MACROD2: variants seen among roughly 807,000 people sequenced by gnomAD.
MACROD2 encodes ADP-ribose glycohydrolase MACROD2.
A neutral mutation model predicts 70.4 loss-of-function variants in MACROD2; 36 were observed. The ratio of observed to expected loss-of-function variants is 0.51; its 90% CI spans 0.39 to 0.68. MACROD2 has a LOEUF of 0.68. MACROD2 is among the 30% of genes least tolerant of loss of function. The pLI, the probability that MACROD2 is intolerant of heterozygous loss-of-function variation, is 0.00. For synonymous variants in MACROD2, 172 were observed against 178.8 expected, an observed-to-expected ratio of 0.96 and a Z score of 0.30; for missense variants, 496 against 538.4, an observed-to-expected ratio of 0.92 and a Z score of 0.78.
Position 14,359,057 on chromosome 20 carries a change from G to A in MACROD2, c.272-134422G>A, listed in dbSNP as rs375887085. On this transcript the variant is annotated intron_variant, in intron 3 of 17. Transcript: ENST00000684519. ...TAAAAAATTAGCCAGGCATAGTGGT[G>A]CCTGCCTGTAGTCCCAGCTACTTGG... Among the ~76,000 whole-genome samples the A allele has an allele frequency of 2.2e-4, 34 of 152,146 alleles. No homozygotes were observed. The South Asian group carries it at 6.4e-3, about 29-fold the overall frequency.
chr20:15,181,724 A>C (rs1447795586), intron 5 of MACROD2, among the ~76,000 whole-genome samples: 2 of 152,168 alleles, frequency 1.3e-5, no homozygotes, highest in East Asian at 3.9e-4. Flanking sequence ...GTGAATTTTC[A>C]CATTCAAGTC....
Position 14,098,222 on chromosome 20 carries a change from A to G in MACROD2, c.271+12494A>G, listed in dbSNP as rs142853464. 2.2e-3 allele frequency among the ~76,000 whole-genome samples: 342 copies of G among 152,348 alleles called. 3 individuals carry two copies. Among genetic ancestry groups the G allele is most frequent in the African/African-American group, 8.0e-3 (332 of 41,576 alleles). On this transcript the variant is annotated intron_variant, in intron 3 of 17. Coordinates refer to ENST00000684519, the MANE Select transcript of MACROD2 (RefSeq NM_001351661.2). ...TATGGGTGTTTTTCAAGTCCTGTAC[A>G]AAGATATGTGTAAGACCAACTAACA...
chr20:14,007,177 CA>C (rs1232174736), intron 2 of MACROD2, among the ~76,000 whole-genome samples: 1 of 150,380 alleles, frequency 6.6e-6, no homozygotes, highest in East Asian at 2.0e-4. Context: ...ATTTATTTGT[CA>C]GACTTCTATA....
intron 8 of MACROD2, among the ~76,000 whole-genome samples, chr20:15,838,637 T>C (rs1223040563): frequency 6.6e-6 from 1 of 152,204 alleles, no homozygotes; most frequent in African/African-American, 2.4e-5. Context: ...TACATCACAA[T>C]GACTGTGAGA....
chr20:15,004,653 T>G (rs1188677222), intron 5 of MACROD2, among the ~76,000 whole-genome samples: 7 of 152,108 alleles, frequency 4.6e-5, no homozygotes. Context: ...ACCTGCAAAC[T>G]GTGGTGCAGA....
chr20:14,321,993 G>A (rs1360435904), intron 3 of MACROD2, among the ~76,000 whole-genome samples: 1 of 149,664 alleles, frequency 6.7e-6, no homozygotes, highest in Non-Finnish European at 1.5e-5. Context: ...TTTTTTTGTT[G>A]TTGTTTTTGT....
intron 4 of MACROD2, among the ~76,000 whole-genome samples, chr20:14,516,881 A>G (rs1175028091): frequency 6.6e-6 from 1 of 152,226 alleles, no homozygotes; most frequent in African/African-American, 2.4e-5. Flanking sequence ...GACAAAAGAT[A>G]TGAATGGACA....
chr20:15,951,351 A>ACACACAC (rs71192308), intron 12 of MACROD2, among the ~76,000 whole-genome samples: 9 of 149,078 alleles, frequency 6.0e-5, no homozygotes, highest in Non-Finnish European at 7.4e-5. Flanking sequence ...ACACACACAC[A>ACACACAC]AAGAGAGAGA....
At chr20:14,624,561 C>A (rs1984021774) in intron 4 of MACROD2, among the ~76,000 whole-genome samples, 1 of 152,150 alleles carries the variant, frequency 6.6e-6, no homozygotes, top group African/African-American at 2.4e-5. Context: ...TAATTATGCA[C>A]CTTTGGAAAA....
At chr20:14,062,513 C>T (rs1165947389) in intron 2 of MACROD2, among the ~76,000 whole-genome samples, 1 of 152,008 alleles carries the variant, frequency 6.6e-6, no homozygotes, top group African/African-American at 2.4e-5. Flanking sequence ...AAATGGCATT[C>T]CAGTTAGAAC....
intron 3 of MACROD2, among the ~76,000 whole-genome samples, chr20:14,264,694 G>A (rs2082129104): frequency 1.3e-5 from 2 of 152,130 alleles, no homozygotes; most frequent in African/African-American, 2.4e-5. Context: ...CCTGTGTCAC[G>A]TGAGGAGAGA....
At chr20:14,627,733 C>A (rs1410914271) in intron 4 of MACROD2, among the ~76,000 whole-genome samples, 1 of 152,186 alleles carries the variant, frequency 6.6e-6, no homozygotes, top group Admixed American at 6.5e-5. Context: ...TTGATTCTTA[C>A]AATCTATGTC....
At chr20:14,334,005 C>A (rs1201025962) in intron 3 of MACROD2, among the ~76,000 whole-genome samples, 4 of 152,200 alleles carry the variant, frequency 2.6e-5, no homozygotes, top group African/African-American at 9.6e-5. Flanking sequence ...AGAGCAATTT[C>A]TCCCTCCTTT....
At chr20:14,302,455 C>T (rs2082483041) in intron 3 of MACROD2, among the ~76,000 whole-genome samples, 1 of 152,036 alleles carries the variant, frequency 6.6e-6, no homozygotes, top group South Asian at 2.1e-4. Context: ...TAGAATTCTG[C>T]CTACCACAGA....
At chr20:15,681,343 T>G (rs988618678) in intron 8 of MACROD2, among the ~76,000 whole-genome samples, 1 of 152,160 alleles carries the variant, frequency 6.6e-6, no homozygotes, top group Non-Finnish European at 1.5e-5. Context: ...AAAGTATAAA[T>G]TGCTATTCAA....
chr20:15,948,321 G>A (rs1364266406), intron 12 of MACROD2, among the ~76,000 whole-genome samples: 1 of 132,274 alleles, frequency 7.6e-6, no homozygotes, highest in Non-Finnish European at 1.5e-5. Flanking sequence ...CCAGGCATTC[G>A]AGCCAGCAAC....
intron 4 of MACROD2, among the ~76,000 whole-genome samples, chr20:14,644,889 G>T (rs1985299101): frequency 6.6e-6 from 1 of 152,100 alleles, no homozygotes; most frequent in African/African-American, 2.4e-5. Context: ...AATTGGGACA[G>T]GTGAGAGGCA....
At chr20:15,842,113 G>A (rs2064177563) in intron 8 of MACROD2, among the ~76,000 whole-genome samples, 1 of 152,054 alleles carries the variant, frequency 6.6e-6, no homozygotes, top group African/African-American at 2.4e-5. Context: ...GGCCATAGCA[G>A]CACAATCCAG....
At chr20:16,015,829 T>C (rs1013111733) in intron 15 of MACROD2, among the ~76,000 whole-genome samples, 1 of 152,204 alleles carries the variant, frequency 6.6e-6, no homozygotes, top group Non-Finnish European at 1.5e-5. Flanking sequence ...ACTGCTATTT[T>C]TAACTTTTCT....
Sources: allele counts gnomAD v4.1 joint callset (sites outside exome capture counted in the v4.1 genomes callset), GRCh38; gene constraint gnomAD v4.1.1; transcripts MANE v1.5; gene names NCBI Gene and HGNC (gene_info 2026-07-23, HGNC 2026-07-21).